Variants in MUC17 observed in about 807,000 individuals in gnomAD.
MUC17 encodes mucin 17, cell surface associated.
In MUC17, 190 loss-of-function variants were observed where a neutral mutation model predicts 170.3. The ratio of observed to expected loss-of-function variants is 1.12; its 90% CI spans 0.99 to 1.26. The LOEUF is 1.26. MUC17 is among the 50% of genes most tolerant of loss of function. The pLI, the probability that MUC17 is intolerant of heterozygous loss-of-function variation, is 0.00. For missense variants in MUC17, 6,415 were observed against 5,530.0 expected, an observed-to-expected ratio of 1.16 and a Z score of -5.08; for synonymous variants, 2,325 against 2,002.5, an observed-to-expected ratio of 1.16 and a Z score of -4.30.
rs1006145360 is a variant in MUC17 at position 101,037,978 on chromosome 7, A to T, written c.6562A>T (p.Thr2188Ser). The T allele has an allele frequency of 1.6e-5, 26 of 1,607,546 alleles. No homozygotes were observed. The African/African-American group carries it at 2.8e-4, about 17-fold the overall frequency. Residue 2188 changes from threonine (T) to serine (S), a missense_variant, in exon 3 of 13, where the codon ACC becomes TCC. Transcript: ENST00000306151. ...ISTLSTTPVD[T>S]STPVTNSTEA... The stretch of plus-strand genomic sequence containing the variant: ...CACCCTTTCAACAACTCCTGTTGAC[A>T]CCAGCACACCTGTGACCAATTCTAC...
rs1562804566 is a variant in MUC17, at chr7:101,033,126, T to A, written c.1710T>A (p.Thr570=). The A allele has an allele frequency of 1.2e-6, 2 of 1,611,918 alleles. No individual in the cohort carries two copies. Among genetic ancestry groups the A allele is most frequent in the Non-Finnish European group, 1.7e-6 (2 of 1,178,726 alleles). ...CCTCAACTCCTAGTGAAGGAAGCAC[T>A]CCATTAACAAACATGCCTGTCAGCA... ...IPTSTPSEGS[T]PLTNMPVSTR... The change falls in exon 3 of 13, where the codon ACT becomes ACA. Residue 570 remains threonine, a synonymous_variant. Transcript: ENST00000306151.
intron 9 of MUC17, among the ~76,000 whole-genome samples, chr7:101,052,571 G>A (rs1794969511): frequency 6.6e-6 from 1 of 152,164 alleles, no homozygotes; most frequent in African/African-American, 2.4e-5. Flanking sequence ...CAGGGAAGAA[G>A]AGCTTCAGGG....
chr7:101,035,022 A>G lies in MUC17; in HGVS notation c.3606A>G (p.Pro1202=), dbSNP rs777135014. 3 of 1,613,696 alleles carry G rather than the reference A, an allele frequency of 1.9e-6. No homozygotes were observed. The highest frequency in any genetic ancestry group is 1.7e-6 in the Non-Finnish European group (2 of 1,179,854). ...CTACTGAAGCCAGTTCACCTCCTCC[A>G]ACTGCTGAAGTTACCAGCATGCCAA... ...ATSTEASSPP[P]TAEVTSMPTS... Residue 1202 remains proline (P), a synonymous_variant, in exon 3 of 13, where the codon CCA becomes CCG. Coordinates refer to ENST00000306151, the MANE Select transcript of MUC17 (RefSeq NM_001040105.2).
chr7:101,037,915 C>T lies in MUC17; in HGVS notation c.6499C>T (p.Pro2167Ser), dbSNP rs1232599427. The T allele has an allele frequency of 6.2e-7, 1 of 1,609,834 alleles. No individual in the cohort carries two copies. Among genetic ancestry groups the T allele is most frequent in the Non-Finnish European group, 8.5e-7 (1 of 1,177,416 alleles). Residue 2167 changes from proline (P) to serine (S), a missense_variant, in exon 3 of 13, where the codon CCT becomes TCT. Pro to Ser is a moderately conservative substitution (Grantham distance 74). Coordinates refer to ENST00000306151, the MANE Select transcript of MUC17 (RefSeq NM_001040105.2). ...CAGAAGAACTCCTTTAACAAGTATG[C>T]CTGTCAGCACCACAGTGGTGGCCAG... is the stretch of plus-strand genomic sequence containing the variant. ...SDRRTPLTSMPVSTTVVASSA... is the reference protein window; with the variant it reads ...SDRRTPLTSMSVSTTVVASSA...
In MUC17 at chr7:101,035,849, CT is replaced by C. The variant is rs1562808866; in HGVS notation, c.4434del (p.Pro1479LeufsTer26). The C allele has an allele frequency of 2.5e-6, 4 of 1,599,622 alleles. No homozygotes were observed. In the South Asian group the frequency reaches 4.5e-5, roughly 18 times the overall value. On this transcript the variant is annotated frameshift_variant, in exon 3 of 13. Transcript: ENST00000306151. LOFTEE classifies it high-confidence loss of function. ...TCTGAGGCTAGCACCCTTTCAACAA[CT>C]CCTGTTGACTCTAACAGTCCTGTGG... ...ANSEASTLST[T>X]PVDSNSPVVT...
At chr7:101,043,945 CTCA>C in intron 3 of MUC17, 126 bp downstream of exon 3, 1 of 880,014 alleles carries the variant, frequency 1.1e-6, no homozygotes, top group Non-Finnish European at 1.7e-6. Context: ...CACCCATTAA[CTCA>C]TCATTTACAT....
intron 8 of MUC17, 28 bp downstream of exon 8, chr7:101,051,709 G>T: frequency 1.2e-6 from 2 of 1,608,522 alleles, no homozygotes; most frequent in Non-Finnish European, 1.7e-6. Flanking sequence ...GGGTTTGGGG[G>T]AAGGCTGGAG....
chr7:101,049,334 T>C lies in MUC17; in HGVS notation c.12674T>C (p.Val4225Ala). ...CCCCTTGCCTTTCAGATGAATATTGTGTATTCCGGGATCCCTGAGTATGTC... is the reference window on the plus strand; with the variant it reads ...CCCCTTGCCTTTCAGATGAATATTGCGTATTCCGGGATCCCTGAGTATGTC... ...KQTFTEQMNIVYSGIPEYVGV... is the reference protein window; with the variant it reads ...KQTFTEQMNIAYSGIPEYVGV... Residue 4225 changes from valine (V) to alanine (A), a missense_variant, in exon 6 of 13, where the codon GTG (valine) becomes GCG (alanine). Val to Ala is a moderately conservative substitution (Grantham distance 64, BLOSUM62 0). Coordinates refer to ENST00000306151, the MANE Select transcript of MUC17 (RefSeq NM_001040105.2). 1 of 1,614,106 alleles carries C rather than the reference T, an allele frequency of 6.2e-7. No homozygotes were observed. Among genetic ancestry groups the C allele is most frequent in the Non-Finnish European group, 8.5e-7 (1 of 1,180,014 alleles).
At position 101,041,786 on chromosome 7, in the gene MUC17, G is replaced by A. The variant is rs145610188; in HGVS notation, c.10370G>A (p.Ser3457Asn). The A allele has an allele frequency of 3.3e-4, 530 of 1,612,494 alleles. 2 individuals are homozygous for A. The African/African-American group carries it at 6.5e-3, about 20-fold the overall frequency. ...SLPTSTTSEG[S>N]TPLSIMPLST... ...CCAACCTCAACTACTAGTGAAGGAA[G>A]CACTCCATTATCAATTATGCCTCTC... Residue 3457 changes from serine (S) to asparagine (N), a missense_variant, in exon 3 of 13, where the codon AGC (serine) becomes AAC (asparagine). By Grantham distance (46) the Ser-to-Asn change is conservative. Coordinates refer to ENST00000306151, the MANE Select transcript of MUC17 (RefSeq NM_001040105.2).
At chr7:101,056,389 G>T in intron 12 of MUC17, 119 bp downstream of exon 12, 2 of 1,472,188 alleles carry the variant, frequency 1.4e-6, no homozygotes, top group Non-Finnish European at 1.8e-6. Flanking sequence ...ATTGGTCCAG[G>T]TGATCCTCCC....
Position 101,032,652 on chromosome 7 carries a change from C to A in MUC17, c.1236C>A (p.Thr412=), listed in dbSNP as rs202002952. The A allele has an allele frequency of 1.9e-6, 3 of 1,612,684 alleles. No individual in the cohort carries two copies. In the South Asian group the frequency reaches 3.3e-5, roughly 18 times the overall value. ...TILVASSEAS[T]TSTIPVDSKT... is the part of the protein sequence containing the mutation. The stretch of plus-strand genomic sequence containing the variant: ...TGGTGGCCAGTTCTGAGGCTAGCAC[C>A]ACTTCAACAATTCCTGTTGACTCCA... Residue 412 remains threonine, a synonymous_variant, in exon 3 of 13, where the codon ACC becomes ACA. Transcript: ENST00000306151.
At chr7:101,021,519 C>T (rs1390118487) in intron 1 of MUC17, among the ~76,000 whole-genome samples, 3 of 152,010 alleles carry the variant, frequency 2.0e-5, no homozygotes, top group South Asian at 4.1e-4. Context: ...TCCTCCCTTC[C>T]CTCTTCCTGG....
rs368313680 is a variant in MUC17 at position 101,040,873 on chromosome 7, A to C, written c.9457A>C (p.Ser3153Arg). 39 of 1,613,402 alleles carry C rather than the reference A, an allele frequency of 2.4e-5. No individual in the cohort carries two copies. Among genetic ancestry groups the C allele is most frequent in the East Asian group, 2.0e-4 (9 of 44,848 alleles). Residue 3153 changes from serine to arginine, a missense_variant, in exon 3 of 13, where the codon AGC becomes CGC. Transcript: ENST00000306151. Reference sequence around the variant, plus strand: ...ATCTCCTACAACTTCTGAAGGTACCAGCATGCCAACCTCAACTCCTAGTGA... The same window carrying C: ...ATCTCCTACAACTTCTGAAGGTACCCGCATGCCAACCTCAACTCCTAGTGA... ...HSSPTTSEGT[S>R]MPTSTPSEGS... is the part of the protein sequence containing the mutation.
rs1794279736 is a variant in MUC17 at position 101,031,595 on chromosome 7, A to G, written c.185-6A>G. 6.6e-7 allele frequency: 1 copy of G among 1,524,284 alleles called. No homozygotes were observed. Among genetic ancestry groups the G allele is most frequent in the Admixed American group, 2.2e-5 (1 of 45,392 alleles). 94.4% of individuals were successfully genotyped at this position (1,524,284 alleles called of 1,614,324 possible). ...TCTAAACAAAATATCATTGTATCTT[A>G]AACAGGTTCTGCGGCAAACACCGCC... is the stretch of plus-strand genomic sequence containing the variant. On this transcript the variant is annotated splice_polypyrimidine_tract_variant and splice_region_variant and intron_variant, in intron 2 of 12. Transcript: ENST00000306151.
At chr7:101,049,879 C>G (rs1794906122) in intron 6 of MUC17, among the ~76,000 whole-genome samples, 2 of 152,068 alleles carry the variant, frequency 1.3e-5, no homozygotes, top group African/African-American at 4.8e-5. Context: ...ACCTGTAATC[C>G]CAGCACTTTG....
intron 1 of MUC17, among the ~76,000 whole-genome samples, chr7:101,030,543 A>G (rs1794260337): frequency 6.6e-6 from 1 of 152,028 alleles, no homozygotes; most frequent in Non-Finnish European, 1.5e-5. Context: ...TTATTCTAAT[A>G]GGTCATATTC....
Position 101,053,119 on chromosome 7 carries a change from G to T in MUC17, c.13237G>T (p.Val4413Phe), listed in dbSNP as rs142295738. ...LIILVALLML[V>F]FRSKREVKRQ... ...CATCCTGGTAGCTCTCCTGATGCTC[G>T]TTTTCCGCTCCAAGAGAGAGGTGAA... Residue 4413 changes from valine (V) to phenylalanine (F), a missense_variant, in exon 10 of 13, where the codon GTT becomes TTT. Coordinates refer to ENST00000306151, the MANE Select transcript of MUC17 (RefSeq NM_001040105.2). The T allele has an allele frequency of 6.2e-7, 1 of 1,613,940 alleles. No individual in the cohort carries two copies. The highest frequency in any genetic ancestry group is 8.5e-7 in the Non-Finnish European group (1 of 1,179,966).
chr7:101,037,426 A>ACTC lies in MUC17; in HGVS notation c.6011_6013dup (p.Thr2004_Leu2005insPro), dbSNP rs776421414. 2.5e-6 allele frequency: 4 copies of ACTC among 1,611,172 alleles called. No individual in the cohort carries two copies. The South Asian group carries it at 4.4e-5, about 18-fold the overall frequency. On this transcript the variant is annotated inframe_insertion, in exon 3 of 13. Coordinates refer to ENST00000306151, the MANE Select transcript of MUC17 (RefSeq NM_001040105.2). ...GCTGGTGGTCAGTTCTGAGGCTAGCACTCTTTCCACAACTCCTGTTGACAC... is the reference window on the plus strand; with the variant it reads ...GCTGGTGGTCAGTTCTGAGGCTAGCACTCCTCTTTCCACAACTCCTGTTGACAC...
chr7:101,033,406 A>C lies in MUC17; in HGVS notation c.1990A>C (p.Thr664Pro). The change falls in exon 3 of 13, where the codon ACT (threonine) becomes CCT (proline). Residue 664 changes from threonine to proline, a missense_variant. Transcript: ENST00000306151. ...VDSNTPVTTS[T>P]EATSSSTTAE... is the part of the protein sequence containing the mutation. ...CTCCAACACTCCTGTGACCACTTCA[A>C]CTGAAGCCACTTCATCTTCTACAAC... The C allele has an allele frequency of 6.2e-7, 1 of 1,613,394 alleles. No individual in the cohort carries two copies. The highest frequency in any genetic ancestry group is 1.6e-4 in the Middle Eastern group (1 of 6,062).
Sources: gnomAD v4.1 joint callset for allele counts (sites outside exome capture counted in the v4.1 genomes callset) on GRCh38, gnomAD v4.1.1 for gene constraint, MANE v1.5 for transcripts, NCBI Gene and HGNC (gene_info 2026-07-23, HGNC 2026-07-21) for gene names.